TRPM3: variants seen among roughly 807,000 people sequenced by gnomAD.
The protein encoded by TRPM3 is transient receptor potential cation channel subfamily M member 3.
A neutral mutation model predicts 181.2 loss-of-function variants in TRPM3; 77 were observed. The ratio of observed to expected loss-of-function variants is 0.42; its 90% CI spans 0.35 to 0.51. The LOEUF is 0.51. Ranked by LOEUF, TRPM3 falls within the 20% of genes least tolerant of loss-of-function variation. The pLI, the probability that TRPM3 is intolerant of heterozygous loss-of-function variation, is 0.01. For missense variants in TRPM3, 1,759 were observed against 2,196.7 expected (o/e 0.80, Z 3.98); for synonymous variants, 745 against 796.4 (o/e 0.94, Z 1.09).
At chr9:71,126,562 T>A (rs1288987435), upstream of TRPM3, among the ~76,000 whole-genome samples, 1 of 152,204 alleles carries the variant, frequency 6.6e-6, no homozygotes, top group Non-Finnish European at 1.5e-5. Flanking sequence ...TTTCCAAATA[T>A]ATGTTTTCAA....
intron 6 of TRPM3, among the ~76,000 whole-genome samples, chr9:70,787,797 T>A (rs1413867517): frequency 1.3e-5 from 2 of 149,782 alleles, no homozygotes; most frequent in African/African-American, 4.9e-5. Context: ...GCTTTTTATT[T>A]TTTTATTTTA....
upstream of TRPM3, among the ~76,000 whole-genome samples, chr9:71,125,797 G>A (rs1396399301): frequency 6.6e-6 from 1 of 152,102 alleles, no homozygotes; most frequent in Non-Finnish European, 1.5e-5. Flanking sequence ...ATACCATTTA[G>A]GACATAGGCA....
chr9:70,789,650 C>T (rs1167552396), intron 6 of TRPM3, among the ~76,000 whole-genome samples: 3 of 152,146 alleles, frequency 2.0e-5, no homozygotes, highest in South Asian at 2.1e-4. Context: ...TTGCTTTAAG[C>T]AGGAATAGGC....
At chr9:71,089,492 G>A (rs565832200) in intron 1 of TRPM3, among the ~76,000 whole-genome samples, 24 of 151,530 alleles carry the variant, frequency 1.6e-4, no homozygotes, top group African/African-American at 5.6e-4. Flanking sequence ...TCTGTAGCTA[G>A]AGGCATCTAG....
At chr9:70,867,223 C>T (rs1485341623) in intron 1 of TRPM3, among the ~76,000 whole-genome samples, 1 of 152,046 alleles carries the variant, frequency 6.6e-6, no homozygotes, top group Non-Finnish European at 1.5e-5. Context: ...ACACCAGAAT[C>T]TGAGAAATGG....
chr9:70,967,084 C>A (rs528553620), intron 1 of TRPM3, among the ~76,000 whole-genome samples: 66 of 151,930 alleles, frequency 4.3e-4, no homozygotes, highest in African/African-American at 1.6e-3. Context: ...TCTTCTGGAA[C>A]TTCTGGAACT....
chr9:71,019,152 A>T (rs1458985470), intron 1 of TRPM3, among the ~76,000 whole-genome samples: 2 of 151,952 alleles, frequency 1.3e-5, no homozygotes, highest in Non-Finnish European at 2.9e-5. Context: ...CCTACAGCAA[A>T]TATGATCTTT....
intron 1 of TRPM3, among the ~76,000 whole-genome samples, chr9:71,263,642 G>A (rs1482341484): frequency 6.6e-6 from 1 of 152,186 alleles, no homozygotes; most frequent in Non-Finnish European, 1.5e-5. Flanking sequence ...GAGAAGAGAA[G>A]TAAAGCTGTG....
At chr9:71,444,254 A>T (rs2094175398) in intron 1 of TRPM3, among the ~76,000 whole-genome samples, 1 of 152,120 alleles carries the variant, frequency 6.6e-6, no homozygotes, top group Non-Finnish European at 1.5e-5. Flanking sequence ...CCCTCGGAAT[A>T]ACTTTAACTG....
intron 22 of TRPM3, among the ~76,000 whole-genome samples, chr9:70,588,091 A>T (rs2057453491): frequency 6.6e-6 from 1 of 152,230 alleles, no homozygotes; most frequent in Non-Finnish European, 1.5e-5. Flanking sequence ...CATGGCTTAG[A>T]GGTGAAAAGC....
rs557230510 is a variant in TRPM3 at position 71,184,649 on chromosome 9, A to G, written c.183+262004T>C. Among the ~76,000 whole-genome samples the G allele has an allele frequency of 2.6e-5, 4 of 152,220 alleles. No homozygotes were observed. The East Asian group carries it at 7.7e-4, about 29-fold the overall frequency. On this transcript the variant is annotated intron_variant, in intron 1 of 24. Transcript: ENST00000357533. ...TGTTAACCTAGAACTAGCCTTTGGC[A>G]ACATTACGAAGGAGGCAAAACATTC... is the stretch of plus-strand genomic sequence containing the variant.
chr9:71,361,641 T>C (rs1284707320), intron 1 of TRPM3, among the ~76,000 whole-genome samples: 1 of 152,208 alleles, frequency 6.6e-6, no homozygotes, highest in Admixed American at 6.5e-5. Context: ...TTGGACTAGA[T>C]TGCATATTTA....
intron 1 of TRPM3, among the ~76,000 whole-genome samples, chr9:71,073,652 AC>A (rs1277711849): frequency 2.6e-5 from 4 of 151,502 alleles, no homozygotes; most frequent in Non-Finnish European, 5.9e-5. Flanking sequence ...TAAAAAAAAA[AC>A]CCAATTTATT....
intron 1 of TRPM3, among the ~76,000 whole-genome samples, chr9:71,273,725 C>T (rs1195571677): frequency 2.0e-5 from 3 of 152,146 alleles, no homozygotes; most frequent in Non-Finnish European, 4.4e-5. Flanking sequence ...TCTCTAAAAA[C>T]GATGACAAAT....
chr9:70,818,873 C>A (rs1364496495), intron 6 of TRPM3, among the ~76,000 whole-genome samples: 3 of 152,254 alleles, frequency 2.0e-5, no homozygotes, highest in Admixed American at 6.5e-5. Flanking sequence ...TAGCAAGTGG[C>A]ATTAGGATTT....
At chr9:70,751,742 A>G (rs1472806183) in intron 8 of TRPM3, among the ~76,000 whole-genome samples, 1 of 152,108 alleles carries the variant, frequency 6.6e-6, no homozygotes, top group Non-Finnish European at 1.5e-5. Flanking sequence ...TAGAGAAAAA[A>G]TTATGGAGGA....
intron 1 of TRPM3, among the ~76,000 whole-genome samples, chr9:71,054,757 T>C (rs919164964): frequency 1.3e-5 from 2 of 152,108 alleles, no homozygotes; most frequent in African/African-American, 4.8e-5. Context: ...CTGGCAAATC[T>C]GAAGGGGCAG....
At chr9:71,138,654 A>T (rs1451717442) in intron 1 of TRPM3, among the ~76,000 whole-genome samples, 7 of 152,096 alleles carry the variant, frequency 4.6e-5, no homozygotes. Flanking sequence ...TGGTTGTTTT[A>T]AAAAATAGAA....
chr9:71,058,200 G>A (rs948423272), intron 1 of TRPM3, among the ~76,000 whole-genome samples: 1 of 152,046 alleles, frequency 6.6e-6, no homozygotes, highest in Admixed American at 6.6e-5. Context: ...AAGTAGCTTT[G>A]TAAATATAAT....
Sources: gnomAD v4.1 joint callset for allele counts (sites outside exome capture counted in the v4.1 genomes callset) on GRCh38, gnomAD v4.1.1 for gene constraint, MANE v1.5 for transcripts, NCBI Gene and HGNC (gene_info 2026-07-23, HGNC 2026-07-21) for gene names.